Variants in SLCO5A1 observed in about 807,000 individuals in gnomAD.
SLCO5A1 encodes the protein solute carrier organic anion transporter family member 5A1, also known as organic anion transporter polypeptide-related protein 4.
In SLCO5A1, 39 loss-of-function variants were observed where a neutral mutation model predicts 65.1. The observed-to-expected ratio is 0.60, with a 90% confidence interval of 0.46 to 0.78. The LOEUF is 0.78. SLCO5A1 is among the 30% of genes least tolerant of loss of function. The pLI is 0.00. For missense variants in SLCO5A1, 1,029 were observed against 1,069.4 expected, an observed-to-expected ratio of 0.96 and a Z score of 0.53; for synonymous variants, 438 against 415.7, an observed-to-expected ratio of 1.05 and a Z score of -0.65.
intron 5 of SLCO5A1, among the ~76,000 whole-genome samples, chr8:69,731,978 C>T (rs1011534361): frequency 6.6e-6 from 1 of 152,186 alleles, no homozygotes; most frequent in Non-Finnish European, 1.5e-5. Context: ...TCTGTGTATA[C>T]ATTTACAAAA....
intron 4 of SLCO5A1, 31 bp from the exon 5 acceptor site, chr8:69,738,235 T>A: frequency 6.4e-7 from 1 of 1,558,876 alleles, no homozygotes; most frequent in Non-Finnish European, 8.7e-7. Context: ...CAAATGAATG[T>A]TATAAACAAT....
chr8:69,802,548 T>C (rs1242073806), intron 2 of SLCO5A1, among the ~76,000 whole-genome samples: 4 of 151,834 alleles, frequency 2.6e-5, no homozygotes, highest in Non-Finnish European at 5.9e-5. Context: ...GTTTTAGTGT[T>C]GTTGAAACGA....
At chr8:69,827,324 T>C (rs548683610) in intron 2 of SLCO5A1, among the ~76,000 whole-genome samples, 1 of 151,904 alleles carries the variant, frequency 6.6e-6, no homozygotes, top group Non-Finnish European at 1.5e-5. Context: ...GAAAAAAAAA[T>C]TATAGTCTAG....
Position 69,770,716 on chromosome 8 carries a change from C to A in SLCO5A1, c.908-8841G>T, listed in dbSNP as rs548079669. Among the ~76,000 whole-genome samples the A allele has an allele frequency of 3.3e-5, 5 of 152,258 alleles. No individual in the cohort carries two copies. In the South Asian group the frequency reaches 6.2e-4, roughly 19 times the overall value. ...CAGCCGAGAGGTGGCTCTCAAGAAG[C>A]CTGGCCCTGCCACAGCTTCCTAGCT... On this transcript the variant is annotated intron_variant, in intron 2 of 9. Coordinates refer to ENST00000260126, the MANE Select transcript of SLCO5A1 (RefSeq NM_030958.3).
chr8:69,829,213 C>G (rs1013198695), intron 2 of SLCO5A1, among the ~76,000 whole-genome samples: 2 of 152,036 alleles, frequency 1.3e-5, no homozygotes, highest in Admixed American at 1.3e-4. Context: ...ATAGTCAGAC[C>G]AAAAATGTTT....
chr8:69,705,747 T>C (rs1296782962), intron 5 of SLCO5A1, among the ~76,000 whole-genome samples: 1 of 152,226 alleles, frequency 6.6e-6, no homozygotes, highest in Non-Finnish European at 1.5e-5. Context: ...CACAGTGAAA[T>C]ACCACTACCT....
Position 69,681,966 on chromosome 8 carries a change from A to C in SLCO5A1, c.1782+218T>G, listed in dbSNP as rs111475826. On this transcript the variant is annotated intron_variant, in intron 7 of 9. Transcript: ENST00000260126. ...AAGTAGGAGAAGGCTGATATGGAAC[A>C]AAATCCCTGCACCCAAATGTTCCAG... Among the ~76,000 whole-genome samples the C allele has an allele frequency of 6.0e-3, 909 of 152,346 alleles. 17 individuals are homozygous for C. Among genetic ancestry groups the C allele is most frequent in the African/African-American group, 0.021 (870 of 41,574 alleles).
intron 2 of SLCO5A1, among the ~76,000 whole-genome samples, chr8:69,802,321 A>G (rs181325004): frequency 9.9e-5 from 15 of 151,690 alleles, no homozygotes; most frequent in Non-Finnish European, 1.5e-4. Context: ...TGGGCAACAT[A>G]GTGAGACCTC....
intron 3 of SLCO5A1, among the ~76,000 whole-genome samples, chr8:69,758,585 T>G (rs1279818189): frequency 2.0e-5 from 3 of 151,970 alleles, no homozygotes; most frequent in Admixed American, 2.0e-4. Flanking sequence ...TAGCCCAAAG[T>G]GAAGGTGCAT....
At chr8:69,750,776 C>T (rs1454808280) in intron 4 of SLCO5A1, among the ~76,000 whole-genome samples, 2 of 152,176 alleles carry the variant, frequency 1.3e-5, no homozygotes, top group South Asian at 2.1e-4. Flanking sequence ...CACCTGTTCT[C>T]TTCTTATGGC....
intron 2 of SLCO5A1, among the ~76,000 whole-genome samples, chr8:69,777,057 C>T (rs944053243): frequency 3.3e-5 from 5 of 152,170 alleles, no homozygotes; most frequent in Non-Finnish European, 5.9e-5. Flanking sequence ...ATTCCACACC[C>T]AGGTATGATC....
At chr8:69,790,162 A>G (rs1819205723) in intron 2 of SLCO5A1, among the ~76,000 whole-genome samples, 1 of 148,678 alleles carries the variant, frequency 6.7e-6, no homozygotes, top group Non-Finnish European at 1.5e-5. Context: ...ACTGCACTCC[A>G]GCCTGGGCAA....
At position 69,679,391 on chromosome 8, in the gene SLCO5A1, T is replaced by C; in HGVS notation, c.2011A>G (p.Ile671Val). 1.2e-6 allele frequency: 2 copies of C among 1,614,220 alleles called. No homozygotes were observed. Among genetic ancestry groups the C allele is most frequent in the Non-Finnish European group, 1.7e-6 (2 of 1,180,044 alleles). The change falls in exon 8 of 10, where the codon ATA (isoleucine) becomes GTA (valine). Residue 671 changes from isoleucine to valine, a missense_variant. Transcript: ENST00000260126. ...TGCTGTTCTCACCTGAGTGTTACTA[T>C]GATAGCTGATGGTTGGGCACATGCT... ...ITACAQPSAI[I>V]VTLRSVEDEE...
intron 8 of SLCO5A1, among the ~76,000 whole-genome samples, chr8:69,677,539 C>T (rs80012727): frequency 0.013 from 1,970 of 152,322 alleles, 41 homozygotes; most frequent in African/African-American, 0.042. Context: ...ATAATAGGAA[C>T]TTTCCCAAGA....
intron 2 of SLCO5A1, among the ~76,000 whole-genome samples, chr8:69,792,355 G>A (rs1027666390): frequency 2.6e-5 from 4 of 152,142 alleles, no homozygotes; most frequent in African/African-American, 9.7e-5. Context: ...AAGTGCTCCT[G>A]TACAGAAATA....
chr8:69,778,427 A>G (rs1435165910), intron 2 of SLCO5A1, among the ~76,000 whole-genome samples: 1 of 152,130 alleles, frequency 6.6e-6, no homozygotes, highest in Non-Finnish European at 1.5e-5. Flanking sequence ...TACTTAGAGT[A>G]GGTAAACATG....
intron 4 of SLCO5A1, 41 bp from the exon 5 acceptor site, chr8:69,738,245 T>C (rs1356158698): frequency 2.0e-6 from 3 of 1,527,396 alleles, no homozygotes; most frequent in Admixed American, 1.9e-5. Context: ...TTATAAACAA[T>C]GGATGGAAAA....
At chr8:69,801,336 C>T (rs1366936097) in intron 2 of SLCO5A1, among the ~76,000 whole-genome samples, 1 of 152,210 alleles carries the variant, frequency 6.6e-6, no homozygotes, top group East Asian at 1.9e-4. Flanking sequence ...CTCAAAGTAG[C>T]TTTTACAGCT....
chr8:69,815,387 A>C (rs1237457990), intron 2 of SLCO5A1, among the ~76,000 whole-genome samples: 5 of 152,056 alleles, frequency 3.3e-5, no homozygotes, highest in Non-Finnish European at 7.4e-5. Context: ...TTAGACCTCC[A>C]CCTATGAAAC....
Sources: gnomAD v4.1 joint callset for allele counts (sites outside exome capture counted in the v4.1 genomes callset) on GRCh38, gnomAD v4.1.1 for gene constraint, MANE v1.5 for transcripts, NCBI Gene and HGNC (gene_info 2026-07-23, HGNC 2026-07-21) for gene names.